MAN1A1: variants seen among roughly 807,000 people sequenced by gnomAD.
The protein encoded by MAN1A1 is mannosyl-oligosaccharide 1,2-alpha-mannosidase IA.
MAN1A1 carries 29 observed loss-of-function variants against 70.8 expected under a neutral mutation model. The observed-to-expected ratio is 0.41, with a 90% CI of 0.31 to 0.56. The LOEUF is 0.56. Among genes scored for constraint, MAN1A1 ranks in the 20% least tolerant of loss-of-function variants. MAN1A1 has a pLI of 0.29. For synonymous variants in MAN1A1, 349 were observed against 330.1 expected (o/e 1.06, Z -0.62); for missense variants, 747 against 841.3 (o/e 0.89, Z 1.39).
chr6:119,200,304 T>C (rs1582690263), intron 8 of MAN1A1, among the ~76,000 whole-genome samples: 1 of 152,224 alleles, frequency 6.6e-6, no homozygotes, highest in African/African-American at 2.4e-5. Flanking sequence ...GGACTTCCAG[T>C]GATCTGTTGA....
intron 6 of MAN1A1, among the ~76,000 whole-genome samples, chr6:119,218,681 G>C (rs1774273544): frequency 6.6e-6 from 1 of 152,090 alleles, no homozygotes; most frequent in Non-Finnish European, 1.5e-5. Context: ...TCTCAAAGCT[G>C]TGCATGTTAG....
At chr6:119,191,410 T>C (rs550533343) in intron 9 of MAN1A1, among the ~76,000 whole-genome samples, 74 of 145,638 alleles carry the variant, frequency 5.1e-4, no homozygotes, top group African/African-American at 1.8e-3. Flanking sequence ...TACCTCCTAA[T>C]AAAAACTACA....
At position 119,346,206 on chromosome 6, in the gene MAN1A1, CAAATACGTAAAGTTA is replaced by C. The variant is rs568456776; in HGVS notation, c.603+2242_603+2256del. Among the ~76,000 whole-genome samples the C allele has an allele frequency of 6.7e-3, 1,022 of 152,278 alleles. 11 individuals are homozygous for C. The highest frequency in any genetic ancestry group is 0.024 in the African/African-American group (979 of 41,532). On this transcript the variant is annotated intron_variant, in intron 2 of 12. Transcript: ENST00000368468. Reference sequence around the variant, plus strand: ...CCACAGTGGTGCCTGAAACTGAATCCAAATACGTAAAGTTAAAGTCCAGTGCCCTATTTACAATGG... The same window carrying C: ...CCACAGTGGTGCCTGAAACTGAATCCAAGTCCAGTGCCCTATTTACAATGG...
chr6:119,278,367 G>A (rs894736272), intron 5 of MAN1A1, among the ~76,000 whole-genome samples: 17 of 152,128 alleles, frequency 1.1e-4, no homozygotes, highest in African/African-American at 3.9e-4. Context: ...ACTTCTTAAG[G>A]CTCTAGAGTC....
At chr6:119,331,910 A>C (rs1773327350) in intron 2 of MAN1A1, 3 of 497,456 alleles carry the variant, frequency 6.0e-6, no homozygotes, top group Non-Finnish European at 4.0e-6. Flanking sequence ...GCACAAGAAG[A>C]GGGTGGGGGC....
chr6:119,310,055 A>G (rs1772656747), intron 2 of MAN1A1, among the ~76,000 whole-genome samples: 1 of 152,224 alleles, frequency 6.6e-6, no homozygotes, highest in Admixed American at 6.5e-5. Context: ...TTACATACTC[A>G]GTAAATGTTT....
chr6:119,348,070 A>G (rs1317741230), intron 2 of MAN1A1, among the ~76,000 whole-genome samples: 1 of 152,098 alleles, frequency 6.6e-6, no homozygotes, highest in Admixed American at 6.5e-5. Context: ...ACGCGTGAAG[A>G]CTCACTTTAA....
chr6:119,196,252 C>T (rs1338765104), intron 8 of MAN1A1, among the ~76,000 whole-genome samples: 1 of 151,498 alleles, frequency 6.6e-6, no homozygotes, highest in East Asian at 1.9e-4. Flanking sequence ...TATAAGAATA[C>T]ATTTGTTTTA....
intron 5 of MAN1A1, among the ~76,000 whole-genome samples, chr6:119,280,726 A>G (rs1273637336): frequency 6.6e-6 from 1 of 152,260 alleles, no homozygotes; most frequent in Non-Finnish European, 1.5e-5. Flanking sequence ...ACAGGCAAAA[A>G]TCTGTGTTAG....
chr6:119,346,028 C>T (rs1403986665), intron 2 of MAN1A1, among the ~76,000 whole-genome samples: 2 of 152,292 alleles, frequency 1.3e-5, no homozygotes, highest in East Asian at 3.9e-4. Flanking sequence ...ATTGCTTGAA[C>T]CCAGGAGGCA....
intron 5 of MAN1A1, among the ~76,000 whole-genome samples, chr6:119,267,499 A>G (rs1408492): frequency 0.42 from 63,435 of 152,044 alleles, 13,751 homozygotes; most frequent in East Asian, 0.67. Flanking sequence ...TTTAAAAATT[A>G]TGTAGTTATT....
At chr6:119,284,700 G>A (rs1776314958) in intron 5 of MAN1A1, among the ~76,000 whole-genome samples, 1 of 151,918 alleles carries the variant, frequency 6.6e-6, no homozygotes, top group Non-Finnish European at 1.5e-5. Flanking sequence ...TTATACTGTA[G>A]TTGTTAAGTT....
intron 5 of MAN1A1, among the ~76,000 whole-genome samples, chr6:119,286,522 A>G (rs1443817486): frequency 6.6e-6 from 1 of 152,072 alleles, no homozygotes; most frequent in Non-Finnish European, 1.5e-5. Flanking sequence ...GCAGCAGTGG[A>G]TAACTTTTAG....
chr6:119,204,670 C>T, intron 7 of MAN1A1, 89 bp downstream of exon 7: 5 of 1,496,442 alleles, frequency 3.3e-6, no homozygotes, highest in Non-Finnish European at 4.5e-6. Flanking sequence ...GTTATTATTT[C>T]CACTTCAAAA....
chr6:119,224,431 G>A (rs867371147), intron 6 of MAN1A1, among the ~76,000 whole-genome samples: 2 of 152,172 alleles, frequency 1.3e-5, no homozygotes, highest in African/African-American at 4.8e-5. Context: ...GATCCCCAGG[G>A]TGCCAGGTTA....
chr6:119,262,563 G>C (rs567723942), intron 5 of MAN1A1, among the ~76,000 whole-genome samples: 4 of 152,258 alleles, frequency 2.6e-5, no homozygotes, highest in African/African-American at 9.6e-5. Flanking sequence ...ATTGTGGAAA[G>C]TAGTTTGGTG....
intron 9 of MAN1A1, among the ~76,000 whole-genome samples, chr6:119,191,625 G>A (rs189891473): frequency 4.1e-4 from 63 of 152,266 alleles, no homozygotes; most frequent in Middle Eastern, 6.8e-3. Flanking sequence ...CTTCAGAATC[G>A]TAAGTGTCTG....
chr6:119,309,120 C>T (rs1772631614), intron 2 of MAN1A1, among the ~76,000 whole-genome samples: 1 of 152,102 alleles, frequency 6.6e-6, no homozygotes, highest in Non-Finnish European at 1.5e-5. Flanking sequence ...GGTCAAAATG[C>T]CCTGAACAAA....
chr6:119,228,133 G>C (rs1774571417), intron 6 of MAN1A1, among the ~76,000 whole-genome samples: 2 of 152,198 alleles, frequency 1.3e-5, no homozygotes. Flanking sequence ...TTAGACTTGT[G>C]AAAGGGATAT....
Sources: allele counts gnomAD v4.1 joint callset (sites outside exome capture counted in the v4.1 genomes callset), GRCh38; gene constraint gnomAD v4.1.1; transcripts MANE v1.5; gene names NCBI Gene and HGNC (gene_info 2026-07-23, HGNC 2026-07-21).